Variants in SNTB2 observed in about 807,000 individuals in gnomAD.
The protein encoded by SNTB2 is beta-2-syntrophin.
A neutral mutation model predicts 46.2 loss-of-function variants in SNTB2; 34 were observed. The ratio of observed to expected loss-of-function variants is 0.74; its 90% CI spans 0.56 to 0.98. The LOEUF (loss-of-function observed/expected upper bound fraction) is 0.98. Ranked by LOEUF, SNTB2 falls within the 50% of genes least tolerant of loss-of-function variation. SNTB2 has a pLI of 0.00. For missense variants in SNTB2, 603 were observed against 731.4 expected, an observed-to-expected ratio of 0.82 and a Z score of 2.02; for synonymous variants, 290 against 312.6, an observed-to-expected ratio of 0.93 and a Z score of 0.76.
intron 1 of SNTB2, among the ~76,000 whole-genome samples, chr16:69,231,482 G>T (rs761474712): frequency 6.6e-6 from 1 of 152,090 alleles, no homozygotes; most frequent in Non-Finnish European, 1.5e-5. Context: ...CCAGCTACTC[G>T]GGAGGCTGAG....
intron 1 of SNTB2, among the ~76,000 whole-genome samples, chr16:69,224,170 G>A (rs1207410466): frequency 6.7e-6 from 1 of 149,266 alleles, no homozygotes; most frequent in African/African-American, 2.5e-5. Flanking sequence ...CTTGATTACT[G>A]TCATGTTTCT....
At chr16:69,231,075 A>C (rs1371962600) in intron 1 of SNTB2, 1 of 152,270 alleles carries the variant, frequency 6.6e-6, no homozygotes, top group African/African-American at 2.4e-5. Flanking sequence ...TGCCTTTCTC[A>C]TTGCGGCTGG....
intron 1 of SNTB2, among the ~76,000 whole-genome samples, chr16:69,237,050 G>A (rs1027246305): frequency 6.6e-6 from 1 of 152,210 alleles, no homozygotes; most frequent in African/African-American, 2.4e-5. Context: ...ATGAAGATTA[G>A]TTCTTGTTTG....
chr16:69,254,241 G>A (rs1238945653), intron 2 of SNTB2, among the ~76,000 whole-genome samples: 2 of 152,130 alleles, frequency 1.3e-5, no homozygotes. Flanking sequence ...GGAGAATGCT[G>A]ACAGGCTTTC....
At chr16:69,211,696 C>T (rs1964289014) in intron 1 of SNTB2, among the ~76,000 whole-genome samples, 2 of 152,162 alleles carry the variant, frequency 1.3e-5, no homozygotes, top group Admixed American at 6.5e-5. Flanking sequence ...CTTTGGAATG[C>T]ACAGAAAATG....
chr16:69,187,755 G>A lies in SNTB2; in HGVS notation c.580+9G>A. 1 of 1,429,858 alleles carries A rather than the reference G, an allele frequency of 7.0e-7. No homozygotes were observed. Among genetic ancestry groups the A allele is most frequent in the Non-Finnish European group, 9.1e-7 (1 of 1,097,434 alleles). The allele number at this position is 1,429,858 out of a possible 1,614,324, so 88.6% of individuals were successfully genotyped here. The stretch of plus-strand genomic sequence containing the variant: ...GGAGGTGCTGCTGGAGGGTGAGCGG[G>A]GCCGGGCGGGAGGGTGGGCAGGCCG... On this transcript the variant is annotated intron_variant, in intron 1 of 6. Transcript: ENST00000336278.
intron 4 of SNTB2, among the ~76,000 whole-genome samples, chr16:69,278,933 T>TG (rs750329569): frequency 6.7e-6 from 1 of 148,630 alleles, no homozygotes; most frequent in Non-Finnish European, 1.5e-5. Context: ...TGTGTGTGTG[T>TG]TAATAAACTC....
chr16:69,210,703 A>G (rs531547808), intron 1 of SNTB2, among the ~76,000 whole-genome samples: 1 of 152,126 alleles, frequency 6.6e-6, no homozygotes, highest in South Asian at 2.1e-4. Flanking sequence ...TAAGAAATAT[A>G]TTTTGTAGGC....
intron 4 of SNTB2, among the ~76,000 whole-genome samples, chr16:69,274,140 C>T (rs1238879758): frequency 6.6e-6 from 1 of 151,184 alleles, no homozygotes; most frequent in African/African-American, 2.4e-5. Context: ...GGAGAAACCT[C>T]GTCTCTACTA....
intron 1 of SNTB2, chr16:69,230,381 A>C (rs1288248868): frequency 6.8e-6 from 1 of 148,142 alleles, no homozygotes; most frequent in Non-Finnish European, 1.5e-5. Context: ...TTTCTTTTTG[A>C]GACGGAGTTT....
intron 3 of SNTB2, among the ~76,000 whole-genome samples, chr16:69,263,679 A>G (rs1032952767): frequency 6.6e-6 from 1 of 152,034 alleles, no homozygotes; most frequent in African/African-American, 2.4e-5. Context: ...TGGCCTCCCA[A>G]AGTGCTGGGA....
chr16:69,202,402 A>AT (rs200721756), intron 1 of SNTB2, among the ~76,000 whole-genome samples: 3,495 of 148,772 alleles, frequency 0.023, 167 homozygotes, highest in African/African-American at 0.081. Context: ...AACTGTTAGA[A>AT]TTTTTTTTTT....
chr16:69,293,761 CTT>C (rs1488042734), intron 5 of SNTB2, among the ~76,000 whole-genome samples: 1 of 152,142 alleles, frequency 6.6e-6, no homozygotes, highest in Non-Finnish European at 1.5e-5. Flanking sequence ...AGTAATCAAT[CTT>C]TTACAATTTC....
intron 4 of SNTB2, among the ~76,000 whole-genome samples, chr16:69,273,846 A>T (rs1430051768): frequency 6.6e-6 from 1 of 152,128 alleles, no homozygotes; most frequent in East Asian, 1.9e-4. Context: ...CATATTTTTC[A>T]TTTGTTAAGT....
chr16:69,269,303 G>A (rs1463363446), intron 3 of SNTB2, among the ~76,000 whole-genome samples: 2 of 151,714 alleles, frequency 1.3e-5, no homozygotes, highest in African/African-American at 2.4e-5. Flanking sequence ...CGGATCATGA[G>A]GTCAGGAGAT....
At chr16:69,258,364 A>G (rs1361865619) in intron 2 of SNTB2, among the ~76,000 whole-genome samples, 1 of 152,140 alleles carries the variant, frequency 6.6e-6, no homozygotes, top group Non-Finnish European at 1.5e-5. Context: ...ACAAAACAAT[A>G]TTCAATAGAT....
Position 69,292,390 on chromosome 16 carries a change from TTATATATATATATATATTATATATATA to T in SNTB2, c.1346-7198_1346-7172del, listed in dbSNP as rs1965174251. ...TATATATATATATATTATATATATATTATATATATATATATATTATATATATATTATATATATATATATATTATATAT... is the reference window on the plus strand; with the variant it reads ...TATATATATATATATTATATATATATTTATATATATATATATATTATATAT... On this transcript the variant is annotated intron_variant, in intron 5 of 6. Coordinates refer to ENST00000336278, the MANE Select transcript of SNTB2 (RefSeq NM_006750.4). Among the ~76,000 whole-genome samples the T allele has an allele frequency of 1.6e-4, 2 of 12,750 alleles. 1 individual carries two copies. Among genetic ancestry groups the T allele is most frequent in the African/African-American group, 1.1e-3 (2 of 1,838 alleles). 8.4% of individuals were successfully genotyped at this position (12,750 alleles called of 152,430 possible).
intron 1 of SNTB2, among the ~76,000 whole-genome samples, chr16:69,214,101 G>A (rs1964320224): frequency 1.3e-5 from 2 of 149,848 alleles, no homozygotes; most frequent in South Asian, 4.2e-4. Flanking sequence ...GGGATTACAG[G>A]CGTGAGCCAC....
In SNTB2 at chr16:69,223,323, G is replaced by A. The variant is rs145772230; in HGVS notation, c.581-22279G>A. Among the ~76,000 whole-genome samples the A allele has an allele frequency of 9.5e-4, 144 of 151,630 alleles. 2 individuals are homozygous for A. Among genetic ancestry groups the A allele is most frequent in the Middle Eastern group, 3.4e-3 (1 of 294 alleles). ...TTCTCCTGCCTCAGCCTCCCAAGTA[G>A]CTGAGATTACAGGCGCCCCAGCCAC... is the stretch of plus-strand genomic sequence containing the variant. On this transcript the variant is annotated intron_variant, in intron 1 of 6. Coordinates refer to ENST00000336278, the MANE Select transcript of SNTB2 (RefSeq NM_006750.4).
Sources: gnomAD v4.1 joint callset for allele counts (sites outside exome capture counted in the v4.1 genomes callset) on GRCh38, gnomAD v4.1.1 for gene constraint, MANE v1.5 for transcripts, NCBI Gene and HGNC (gene_info 2026-07-23, HGNC 2026-07-21) for gene names.